Variants in DST observed in about 807,000 individuals in gnomAD.
DST encodes dystonin.
DST carries 253 observed loss-of-function variants against 875.2 expected under a neutral mutation model. The observed-to-expected ratio is 0.29, with a 90% CI of 0.26 to 0.32. The LOEUF (loss-of-function observed/expected upper bound fraction) is 0.32, where lower values mean the gene tolerates loss of function less well. Ranked by LOEUF, DST falls within the 10% of genes least tolerant of loss-of-function variation. The pLI, the probability that DST is intolerant of heterozygous loss-of-function variation, is 1.00. For synonymous variants in DST, 3,124 were observed against 3,197.1 expected, an observed-to-expected ratio of 0.98 and a Z score of 0.77; for missense variants, 8,287 against 9,111.6, an observed-to-expected ratio of 0.91 and a Z score of 3.68.
chr6:56,552,291 A>T lies in DST; in HGVS notation c.16501T>A (p.Leu5501Met). The change falls in exon 61 of 104, where the codon TTG (leucine) becomes ATG (methionine). Residue 5501 changes from leucine (L) to methionine (M), a missense_variant. Physicochemically the swap from Leu to Met is conservative, Grantham distance 15. Coordinates refer to ENST00000680361, the MANE Select transcript of DST (RefSeq NM_001374736.1). Reference protein sequence around the residue: ...IKRLEEFYSKLKEFSILLQKA... With the variant: ...IKRLEEFYSKMKEFSILLQKA... ...TGGAGCAGAATAGAAAATTCTTTCAATTTGCTGTAAAATTCTTCAAGGCGC... is the reference window on the plus strand; with the variant it reads ...TGGAGCAGAATAGAAAATTCTTTCATTTTGCTGTAAAATTCTTCAAGGCGC... 1 of 1,613,958 alleles carries T rather than the reference A, an allele frequency of 6.2e-7. No homozygotes were observed. The highest frequency in any genetic ancestry group is 1.1e-5 in the South Asian group (1 of 91,084).
chr6:56,480,610 C>A (rs986831234), intron 90 of DST, among the ~76,000 whole-genome samples: 15 of 152,142 alleles, frequency 9.9e-5, no homozygotes, highest in Non-Finnish European at 1.3e-4. Context: ...TGAAGGGAAG[C>A]AGAGGAGATG....
intron 2 of DST, among the ~76,000 whole-genome samples, chr6:56,916,987 TAAA>T (rs1161421788): frequency 3.2e-3 from 114 of 35,532 alleles, no homozygotes; most frequent in African/African-American, 0.012. Flanking sequence ...CCAGGCATGC[TAAA>T]AAAAAAAAAA....
At chr6:56,528,614 T>A (rs749021698) in intron 67 of DST, among the ~76,000 whole-genome samples, 2 of 152,184 alleles carry the variant, frequency 1.3e-5, no homozygotes, top group African/African-American at 4.8e-5. Flanking sequence ...CTTTATGTTA[T>A]GAGTAATACA....
intron 4 of DST, among the ~76,000 whole-genome samples, chr6:56,803,876 T>C (rs917972032): frequency 7.2e-5 from 11 of 152,106 alleles, no homozygotes; most frequent in Non-Finnish European, 1.5e-4. Flanking sequence ...AAATGGGAGA[T>C]TTGAAGTGAA....
intron 3 of DST, among the ~76,000 whole-genome samples, chr6:56,884,110 G>A (rs1186069555): frequency 6.6e-6 from 1 of 151,714 alleles, no homozygotes; most frequent in Admixed American, 6.6e-5. Flanking sequence ...GAGCCTGGGT[G>A]GCAGAGTGAG....
At chr6:56,616,865 T>G in intron 36 of DST, 3 of 1,614,040 alleles carry the variant, frequency 1.9e-6, no homozygotes, top group Non-Finnish European at 2.5e-6. Context: ...GAATTCGGGG[T>G]CAACAACTCC....
intron 5 of DST, among the ~76,000 whole-genome samples, chr6:56,730,276 T>C (rs1337531016): frequency 6.6e-6 from 1 of 152,186 alleles, no homozygotes; most frequent in East Asian, 1.9e-4. Context: ...CAAGTTCTAA[T>C]TCCAGGCCCA....
At position 56,934,462 on chromosome 6, in the gene DST, T is replaced by C. The variant is rs531713354; in HGVS notation, c.216+19323A>G. Among the ~76,000 whole-genome samples, 8 of 150,754 alleles carry C rather than the reference T, an allele frequency of 5.3e-5. No homozygotes were observed. The East Asian group carries it at 1.6e-3, about 29-fold the overall frequency. ...TAAATTCCAGCACACTGCCTGGAAA[T>C]GCGTTAGCTCAAGAGGGGGACAGTT... On this transcript the variant is annotated intron_variant, in intron 2 of 103. Transcript: ENST00000680361.
chr6:56,463,386 G>A (rs2152379661), intron 101 of DST, among the ~76,000 whole-genome samples, 179 bp downstream of exon 101: 1 of 152,246 alleles, frequency 6.6e-6, no homozygotes, highest in African/African-American at 2.4e-5. Flanking sequence ...ATCTCTATGT[G>A]GGCCACTAGG....
chr6:56,817,106 C>T (rs2099767437), intron 4 of DST, among the ~76,000 whole-genome samples: 2 of 151,570 alleles, frequency 1.3e-5, no homozygotes, highest in South Asian at 4.2e-4. Flanking sequence ...CACACACACA[C>T]ACAAAGTAAA....
At chr6:56,585,156 T>G (rs2098120333) in intron 49 of DST, among the ~76,000 whole-genome samples, 1 of 152,242 alleles carries the variant, frequency 6.6e-6, no homozygotes, top group Admixed American at 6.5e-5. Context: ...TTGGACTAGT[T>G]TCAGAAGGAA....
intron 4 of DST, among the ~76,000 whole-genome samples, chr6:56,759,056 C>T (rs1402461011): frequency 6.6e-6 from 1 of 152,196 alleles, no homozygotes; most frequent in African/African-American, 2.4e-5. Flanking sequence ...CCCCACCTCT[C>T]GACTGCTACA....
chr6:56,947,438 C>T (rs183679043), intron 2 of DST, among the ~76,000 whole-genome samples: 41 of 151,828 alleles, frequency 2.7e-4, no homozygotes, highest in African/African-American at 8.2e-4. Flanking sequence ...TTAGTAAAGA[C>T]GGGGTTTCAC....
intron 5 of DST, among the ~76,000 whole-genome samples, chr6:56,723,797 C>G (rs1311389781): frequency 6.6e-6 from 1 of 152,138 alleles, no homozygotes; most frequent in Non-Finnish European, 1.5e-5. Flanking sequence ...AAACAGGGTT[C>G]TCTCCCACAG....
At chr6:56,816,186 T>C (rs948827478) in intron 4 of DST, among the ~76,000 whole-genome samples, 4 of 152,184 alleles carry the variant, frequency 2.6e-5, no homozygotes, top group Non-Finnish European at 5.9e-5. Flanking sequence ...AACTTCCTGC[T>C]GACTTAATTC....
chr6:56,826,803 T>A lies in DST; in HGVS notation c.625+24594A>T, dbSNP rs572202182. ...ACGATAAATATCTTTGCACTTAAAT[T>A]CTACCCACAGGAAAGATTCTGAAAT... is the stretch of plus-strand genomic sequence containing the variant. On this transcript the variant is annotated intron_variant, in intron 4 of 103. Coordinates refer to ENST00000680361, the MANE Select transcript of DST (RefSeq NM_001374736.1). Among the ~76,000 whole-genome samples, 4 of 152,316 alleles carry A rather than the reference T, an allele frequency of 2.6e-5. No homozygotes were observed. The East Asian group carries it at 7.7e-4, about 29-fold the overall frequency.
At chr6:56,857,847 A>C (rs1488409732) in intron 3 of DST, among the ~76,000 whole-genome samples, 1 of 152,250 alleles carries the variant, frequency 6.6e-6, no homozygotes, top group East Asian at 1.9e-4. Flanking sequence ...ATCTGATTTT[A>C]GAGATCCCAA....
At chr6:56,885,849 ATAGCAACACAGATGGACT>A (rs1305047840) in intron 3 of DST, among the ~76,000 whole-genome samples, 6 of 152,246 alleles carry the variant, frequency 3.9e-5, no homozygotes, top group African/African-American at 1.4e-4. Flanking sequence ...GTATTCTCTT[ATAGCAACACAGATGGACT>A]AAGACAGTGT....
intron 36 of DST, chr6:56,619,665 GCATGGCTTCTTC>G: frequency 2.5e-6 from 4 of 1,613,714 alleles, no homozygotes; most frequent in Non-Finnish European, 3.4e-6. Context: ...CTAGCTTCTT[GCATGGCTTCTTC>G]AGCTTTACCT....
Sources: gnomAD v4.1 joint callset for allele counts (sites outside exome capture counted in the v4.1 genomes callset) on GRCh38, gnomAD v4.1.1 for gene constraint, MANE v1.5 for transcripts, NCBI Gene and HGNC (gene_info 2026-07-23, HGNC 2026-07-21) for gene names.